Variants in ZNF518A observed in about 807,000 individuals in gnomAD.
ZNF518A encodes the protein zinc finger protein 518.
Under a neutral mutation model 102.7 loss-of-function variants are expected in ZNF518A, and 47 were observed. The ratio of observed to expected loss-of-function variants is 0.46; its 90% CI spans 0.36 to 0.58. ZNF518A has a LOEUF of 0.58. ZNF518A is among the 20% of genes least tolerant of loss of function. ZNF518A has a pLI of 0.00. For missense variants in ZNF518A, 1,793 were observed against 1,699.8 expected (o/e 1.05, Z -0.96); for synonymous variants, 652 against 594.6 (o/e 1.10, Z -1.40).
At position 96,158,201 on chromosome 10, in the gene ZNF518A, T is replaced by C; in HGVS notation, c.1879T>C (p.Leu627=). 6.2e-7 allele frequency: 1 copy of C among 1,613,692 alleles called. No individual in the cohort carries two copies. Among genetic ancestry groups the C allele is most frequent in the Non-Finnish European group, 8.5e-7 (1 of 1,179,738 alleles). ...NYCINYGNCE[L]PVESSNQGSL... ...TTGCATTAATTATGGCAACTGTGAG[T>C]TACCTGTTGAATCCTCCAACCAAGG... The change falls in exon 6 of 6, where the codon TTA becomes CTA. Residue 627 remains leucine (L), a synonymous_variant. Coordinates refer to ENST00000316045, the MANE Select transcript of ZNF518A (RefSeq NM_001330736.2).
At chr10:96,165,470 CA>C (rs35332637), downstream of ZNF518A, among the ~76,000 whole-genome samples, 50,076 of 111,722 alleles carry the variant, frequency 0.45, 9,485 homozygotes, top group Middle Eastern at 0.56. Flanking sequence ...CAACAACAAC[CA>C]AAAAAAAAAA....
chr10:96,167,858 C>CA (rs1210343308), downstream of ZNF518A, among the ~76,000 whole-genome samples: 2 of 151,930 alleles, frequency 1.3e-5, no homozygotes, highest in Non-Finnish European at 2.9e-5. Flanking sequence ...GCTGTGACAC[C>CA]AAAAACAAAA....
At chr10:96,136,959 T>C (rs1199724469) in intron 3 of ZNF518A, among the ~76,000 whole-genome samples, 2 of 152,224 alleles carry the variant, frequency 1.3e-5, no homozygotes, top group Non-Finnish European at 2.9e-5. Context: ...GGTGCAACTA[T>C]TGTAACACAA....
At chr10:96,190,075 A>T in intron 1 of ZNF518A, 1 of 855,054 alleles carries the variant, frequency 1.2e-6, no homozygotes, top group Non-Finnish European at 2.0e-6. Context: ...ACCAGCCCCT[A>T]AACTGACCGT....
intron 3 of ZNF518A, among the ~76,000 whole-genome samples, chr10:96,150,738 C>T (rs147572057): frequency 0.011 from 245 of 23,130 alleles, no homozygotes; most frequent in Admixed American, 0.017. Context: ...AACTTTCTTT[C>T]TTTCCTTTTT....
At chr10:96,183,241 A>G (rs2083250749) in intron 1 of ZNF518A, among the ~76,000 whole-genome samples, 1 of 151,716 alleles carries the variant, frequency 6.6e-6, no homozygotes, top group Non-Finnish European at 1.5e-5. Flanking sequence ...TGTTCTATCA[A>G]TTTTGTTGAT....
At chr10:96,191,945 C>A in intron 1 of ZNF518A, 1 of 1,613,074 alleles carries the variant, frequency 6.2e-7, no homozygotes, top group South Asian at 1.1e-5. Flanking sequence ...GTGTCTGAAG[C>A]AATGGTATTG....
chr10:96,199,819 T>G, intron 1 of ZNF518A: 1 of 240,202 alleles, frequency 4.2e-6, no homozygotes, highest in South Asian at 6.1e-5. Flanking sequence ...AGGTCAGGAG[T>G]TCGAGAGCAG....
chr10:96,185,725 C>T (rs11188653), intron 1 of ZNF518A, among the ~76,000 whole-genome samples: 5 of 151,924 alleles, frequency 3.3e-5, no homozygotes, highest in Non-Finnish European at 7.4e-5. Flanking sequence ...TGTCAGTCGG[C>T]CCCTACTGGG....
At position 96,139,222 on chromosome 10, in the gene ZNF518A, C is replaced by T. The variant is rs144176779; in HGVS notation, c.-302+5574C>T. On this transcript the variant is annotated intron_variant, in intron 3 of 5. Transcript: ENST00000316045. Reference sequence around the variant, plus strand: ...AAGAAAAAGACCCAAGACCAGATACCGCTGTTTCTTGCAGGCCTTTGTAAA... The same window carrying T: ...AAGAAAAAGACCCAAGACCAGATACTGCTGTTTCTTGCAGGCCTTTGTAAA... Among the ~76,000 whole-genome samples, 282 of 152,066 alleles carry T rather than the reference C, an allele frequency of 1.9e-3. 2 individuals carry two copies. The highest frequency in any genetic ancestry group is 0.014 in the Admixed American group (212 of 15,268).
At chr10:96,188,633 C>A (rs587749223) in intron 1 of ZNF518A, among the ~76,000 whole-genome samples, 9 of 152,134 alleles carry the variant, frequency 5.9e-5, no homozygotes, top group Admixed American at 5.9e-4. Flanking sequence ...AAAAAATTAC[C>A]CCAGTTTCCC....
At chr10:96,138,897 A>C (rs2081759150) in intron 3 of ZNF518A, among the ~76,000 whole-genome samples, 1 of 152,070 alleles carries the variant, frequency 6.6e-6, no homozygotes, top group African/African-American at 2.4e-5. Flanking sequence ...AGAGATATTA[A>C]GTGTTACAAA....
Position 96,141,712 on chromosome 10 carries a change from T to C in ZNF518A, c.-302+8064T>C, listed in dbSNP as rs587761140. ...TTACTTTTGCATATTTAATTACTTTTGCATATTTAACCCTACATTTCTTTT... is the reference window on the plus strand; with the variant it reads ...TTACTTTTGCATATTTAATTACTTTCGCATATTTAACCCTACATTTCTTTT... On this transcript the variant is annotated intron_variant, in intron 3 of 5. Transcript: ENST00000316045. Among the ~76,000 whole-genome samples the C allele has an allele frequency of 2.6e-5, 4 of 152,078 alleles. No individual in the cohort carries two copies. The East Asian group carries it at 7.8e-4, about 29-fold the overall frequency.
intron 3 of ZNF518A, among the ~76,000 whole-genome samples, chr10:96,152,300 G>C (rs1355438960): frequency 6.6e-6 from 1 of 152,218 alleles, no homozygotes; most frequent in African/African-American, 2.4e-5. Flanking sequence ...GCGACAGCGA[G>C]ACCCTGTCTC....
At chr10:96,138,884 G>A (rs2081758272) in intron 3 of ZNF518A, among the ~76,000 whole-genome samples, 1 of 150,874 alleles carries the variant, frequency 6.6e-6, no homozygotes, top group Non-Finnish European at 1.5e-5. Flanking sequence ...ATAAAATATT[G>A]CCAGAGATAT....
intron 1 of ZNF518A, among the ~76,000 whole-genome samples, chr10:96,184,168 A>G (rs587706626): frequency 2.4e-4 from 37 of 152,226 alleles, no homozygotes; most frequent in African/African-American, 8.7e-4. Flanking sequence ...GTCTTCCTCC[A>G]TCCCTTTATT....
chr10:96,202,002 G>A (rs1345191550), intron 1 of ZNF518A, among the ~76,000 whole-genome samples: 8 of 152,168 alleles, frequency 5.3e-5, no homozygotes, highest in African/African-American at 1.9e-4. Flanking sequence ...GGAGGCACTG[G>A]ACATCCCAGG....
At chr10:96,179,849 CTT>C (rs2133891238) in intron 1 of ZNF518A, among the ~76,000 whole-genome samples, 1 of 148,814 alleles carries the variant, frequency 6.7e-6, no homozygotes, top group African/African-American at 2.5e-5. Flanking sequence ...CATCCTTCTT[CTT>C]TTCTTCTTTT....
intron 3 of ZNF518A, among the ~76,000 whole-genome samples, chr10:96,135,624 A>G (rs1458557351): frequency 7.9e-5 from 12 of 152,228 alleles, no homozygotes; most frequent in Admixed American, 7.8e-4. Flanking sequence ...GCAAGATTAT[A>G]TGTACTAGAC....
Sources: gnomAD v4.1 joint callset for allele counts (sites outside exome capture counted in the v4.1 genomes callset) on GRCh38, gnomAD v4.1.1 for gene constraint, MANE v1.5 for transcripts, NCBI Gene and HGNC (gene_info 2026-07-23, HGNC 2026-07-21) for gene names.